The following CHODL variants were observed in gnomAD, a reference collection of about 807,000 sequenced individuals.
CHODL encodes transmembrane protein MT75.
In CHODL, 29 loss-of-function variants were observed where a neutral mutation model predicts 34.5. That is an observed-to-expected ratio of 0.84 (90% CI 0.63 to 1.15). The LOEUF is 1.15. CHODL is among the 50% of genes most tolerant of loss of function. CHODL has a pLI of 0.00. For missense variants in CHODL, 332 were observed against 332.5 expected, an observed-to-expected ratio of 1.00 and a Z score of 0.01; for synonymous variants, 125 against 116.1, an observed-to-expected ratio of 1.08 and a Z score of -0.49.
intron 1 of CHODL, among the ~76,000 whole-genome samples, chr21:18,011,073 A>G (rs1357268396): frequency 6.6e-6 from 1 of 152,096 alleles, no homozygotes. Flanking sequence ...CCGATTCCCT[A>G]TGTATGCTGT....
At chr21:18,222,516 G>T (rs79708234) in intron 2 of CHODL, among the ~76,000 whole-genome samples, 201 of 152,208 alleles carry the variant, frequency 1.3e-3, no homozygotes, top group African/African-American at 4.7e-3. Flanking sequence ...TATCCTCAGG[G>T]CCTGTGAGAG....
chr21:18,034,955 A>T (rs1277396638), intron 2 of CHODL, among the ~76,000 whole-genome samples: 1 of 152,020 alleles, frequency 6.6e-6, no homozygotes. Context: ...TGAGAGAAAC[A>T]GTTATCAGAC....
intron 1 of CHODL, among the ~76,000 whole-genome samples, chr21:18,001,894 T>C (rs949968498): frequency 1.3e-5 from 2 of 151,670 alleles, no homozygotes; most frequent in African/African-American, 4.8e-5. Context: ...GAAGAAAATA[T>C]CTGGATATAG....
At chr21:18,188,158 A>G (rs1177455583) in intron 2 of CHODL, among the ~76,000 whole-genome samples, 2 of 151,968 alleles carry the variant, frequency 1.3e-5, no homozygotes, top group Admixed American at 1.3e-4. Flanking sequence ...TTTCATCACA[A>G]TACCCTAAAC....
upstream of CHODL, among the ~76,000 whole-genome samples, chr21:18,244,248 G>T (rs937478993): frequency 3.3e-5 from 5 of 152,312 alleles, no homozygotes; most frequent in African/African-American, 1.2e-4. Context: ...TTTCTCTGGA[G>T]TTGCAAACAC....
intron 2 of CHODL, among the ~76,000 whole-genome samples, chr21:18,129,825 T>C (rs1323511319): frequency 6.6e-6 from 1 of 152,032 alleles, no homozygotes; most frequent in Non-Finnish European, 1.5e-5. Flanking sequence ...GCAGTTGCAG[T>C]GCAAAAAATA....
intron 1 of CHODL, among the ~76,000 whole-genome samples, chr21:18,008,634 C>T (rs1037239422): frequency 1.3e-5 from 2 of 152,112 alleles, no homozygotes; most frequent in Non-Finnish European, 2.9e-5. Context: ...TTTTACTTAG[C>T]ATAATATCCT....
At chr21:18,250,471 T>G (rs914902774) in intron 1 of CHODL, among the ~76,000 whole-genome samples, 2 of 151,798 alleles carry the variant, frequency 1.3e-5, no homozygotes, top group Non-Finnish European at 2.9e-5. Context: ...ATAAATAAAT[T>G]TGTTTATTAA....
rs559896608 is a variant in CHODL at position 18,124,387 on chromosome 21, G to A, written c.-45+96416G>A. Among the ~76,000 whole-genome samples, 8 of 152,166 alleles carry A rather than the reference G, an allele frequency of 5.3e-5. No individual in the cohort carries two copies. In the East Asian group the frequency reaches 9.7e-4, roughly 18 times the overall value. On this transcript the variant is annotated intron_variant, in intron 2 of 6. Transcript: ENST00000400127. ...CAGTATATTGCTACTCAATGTCTTC[G>A]GACATTCTGATATGTCACTGCTGAC...
chr21:18,178,214 G>A (rs1159429911), intron 2 of CHODL, among the ~76,000 whole-genome samples: 1 of 152,148 alleles, frequency 6.6e-6, no homozygotes, highest in Non-Finnish European at 1.5e-5. Context: ...TTATTTTCAT[G>A]AGGCTGTTTG....
intron 2 of CHODL, among the ~76,000 whole-genome samples, chr21:18,163,434 T>A (rs1290646908): frequency 6.6e-6 from 1 of 152,184 alleles, no homozygotes; most frequent in African/African-American, 2.4e-5. Flanking sequence ...TTTTTTCAAT[T>A]GCCTTTTTTT....
At chr21:18,104,637 A>G (rs558761763) in intron 2 of CHODL, among the ~76,000 whole-genome samples, 8 of 152,314 alleles carry the variant, frequency 5.3e-5, no homozygotes, top group Non-Finnish European at 1.2e-4. Flanking sequence ...AAAAAGTGAC[A>G]TACTTGAAGA....
rs756352158 is a variant in CHODL, at chr21:18,260,224, A to G, written c.572A>G (p.Glu191Gly). The change falls in exon 4 of 6, where the codon GAA (glutamate) becomes GGA (glycine). Residue 191 changes from glutamate to glycine, a missense_variant. By Grantham distance (98) the Glu-to-Gly change is moderately conservative. Coordinates refer to ENST00000299295, the MANE Select transcript of CHODL (RefSeq NM_024944.3). The part of the protein sequence containing the change: ...EPEINPTAPV[E>G]KPYLTNQPGD... ...GAGATTAATCCAACAGCCCCTGTAGAAAAGCCTTATCTTACAAATCAACCA... is the reference window on the plus strand; with the variant it reads ...GAGATTAATCCAACAGCCCCTGTAGGAAAGCCTTATCTTACAAATCAACCA... 2.5e-6 allele frequency: 4 copies of G among 1,578,466 alleles called. No individual in the cohort carries two copies. Among genetic ancestry groups the G allele is most frequent in the Non-Finnish European group, 3.4e-6 (4 of 1,165,052 alleles).
intron 3 of CHODL, among the ~76,000 whole-genome samples, chr21:18,257,826 T>A (rs544823824): frequency 6.6e-6 from 1 of 152,202 alleles, no homozygotes; most frequent in African/African-American, 2.4e-5. Flanking sequence ...TGAATTACTT[T>A]AACTAGGACG....
At chr21:18,176,158 C>A (rs2146669107) in intron 2 of CHODL, among the ~76,000 whole-genome samples, 1 of 152,064 alleles carries the variant, frequency 6.6e-6, no homozygotes, top group South Asian at 2.1e-4. Flanking sequence ...AAAAGAAGAT[C>A]AAGGACTGAA....
chr21:18,112,477 A>G (rs1344872872), intron 2 of CHODL, among the ~76,000 whole-genome samples: 4 of 152,294 alleles, frequency 2.6e-5, no homozygotes, highest in South Asian at 2.1e-4. Flanking sequence ...AGCAAGAAGA[A>G]CAAAATTGGA....
intron 2 of CHODL, among the ~76,000 whole-genome samples, chr21:18,064,665 T>C (rs157733): frequency 0.36 from 55,354 of 151,984 alleles, 12,330 homozygotes; most frequent in Non-Finnish European, 0.51. Context: ...ATCCATGTGC[T>C]TGAGTTTCCA....
chr21:18,138,263 C>A (rs2146606066), intron 2 of CHODL, among the ~76,000 whole-genome samples: 1 of 151,528 alleles, frequency 6.6e-6, no homozygotes, highest in African/African-American at 2.4e-5. Flanking sequence ...GGAATTTGAT[C>A]ATATTTAAGC....
intron 2 of CHODL, among the ~76,000 whole-genome samples, chr21:18,105,025 A>G (rs990701871): frequency 1.1e-4 from 17 of 152,206 alleles, no homozygotes; most frequent in Non-Finnish European, 2.9e-5. Context: ...GGAATTATTT[A>G]TCTTGAATCC....
Sources: gnomAD v4.1 joint callset for allele counts (sites outside exome capture counted in the v4.1 genomes callset) on GRCh38, gnomAD v4.1.1 for gene constraint, MANE v1.5 for transcripts, NCBI Gene and HGNC (gene_info 2026-07-23, HGNC 2026-07-21) for gene names.